The following ERICH3 variants were observed in gnomAD, a reference collection of about 807,000 sequenced individuals.
ERICH3 encodes glutamate-rich protein 3.
A neutral mutation model predicts 131.1 loss-of-function variants in ERICH3; 126 were observed. That is an observed-to-expected ratio of 0.96 (90% CI 0.83 to 1.11). The LOEUF is 1.11. ERICH3 is among the 50% of genes most tolerant of loss of function. The probability of loss-of-function intolerance (pLI) is 0.00; values close to 1 mark genes in which losing one functional copy is unlikely to be tolerated. For missense variants in ERICH3, 2,050 were observed against 1,810.7 expected (o/e 1.13, Z -2.40); for synonymous variants, 695 against 644.6 (o/e 1.08, Z -1.18).
chr1:74,611,267 T>C (rs1261136588), intron 9 of ERICH3, among the ~76,000 whole-genome samples: 1 of 152,144 alleles, frequency 6.6e-6, no homozygotes, highest in African/African-American at 2.4e-5. Flanking sequence ...TCTCAATAAG[T>C]TAACTGGACA....
At chr1:74,606,379 GC>G (rs1400778577) in intron 10 of ERICH3, among the ~76,000 whole-genome samples, 6 of 151,792 alleles carry the variant, frequency 4.0e-5, no homozygotes, top group Admixed American at 3.9e-4. Flanking sequence ...CCTCATCTCT[GC>G]AGCCAGAACC....
chr1:74,618,157 CTT>C (rs1649061179), intron 8 of ERICH3, among the ~76,000 whole-genome samples: 1 of 151,986 alleles, frequency 6.6e-6, no homozygotes, highest in African/African-American at 2.4e-5. Context: ...GAGACTGTCT[CTT>C]AAAAAAGAAA....
At chr1:74,666,309 T>C (rs1646692142) in intron 1 of ERICH3, among the ~76,000 whole-genome samples, 1 of 152,132 alleles carries the variant, frequency 6.6e-6, no homozygotes, top group South Asian at 2.1e-4. Flanking sequence ...TATTAAAGAA[T>C]CCAGATCTAT....
chr1:74,590,552 G>T (rs1368186156), intron 11 of ERICH3, among the ~76,000 whole-genome samples: 2 of 152,152 alleles, frequency 1.3e-5, no homozygotes, highest in Non-Finnish European at 2.9e-5. Flanking sequence ...GCTCACAATA[G>T]GGTTTCTGCT....
chr1:74,668,379 C>T (rs546197907), intron 1 of ERICH3, among the ~76,000 whole-genome samples: 2 of 152,176 alleles, frequency 1.3e-5, no homozygotes, highest in African/African-American at 4.8e-5. Flanking sequence ...GAGAAACAGA[C>T]AATTTGAAGT....
intron 1 of ERICH3, among the ~76,000 whole-genome samples, chr1:74,662,154 A>C (rs1557704811): frequency 6.6e-6 from 1 of 152,124 alleles, no homozygotes; most frequent in Non-Finnish European, 1.5e-5. Flanking sequence ...ATGCTCTTGC[A>C]TGTGGCCCTG....
intron 8 of ERICH3, chr1:74,615,445 T>A (rs1277645508): frequency 2.0e-5 from 3 of 152,206 alleles, no homozygotes; most frequent in African/African-American, 7.2e-5. Flanking sequence ...GCATTATATA[T>A]GATTATAATT....
At chr1:74,642,961 T>C in intron 4 of ERICH3, 66 bp downstream of exon 4, 1 of 1,228,272 alleles carries the variant, frequency 8.1e-7, no homozygotes, top group Non-Finnish European at 1.2e-6. Context: ...GAATCATAGT[T>C]TCACTGTTTT....
At chr1:74,651,741 CT>C in intron 1 of ERICH3, among the ~76,000 whole-genome samples, 1 of 152,192 alleles carries the variant, frequency 6.6e-6, no homozygotes, top group African/African-American at 2.4e-5. Flanking sequence ...GCTGGGAGTG[CT>C]AAAACCCGAT....
In ERICH3 at chr1:74,659,895, C is replaced by A. The variant is rs182518296; in HGVS notation, c.24-10580G>T. Among the ~76,000 whole-genome samples, 22 of 152,256 alleles carry A rather than the reference C, an allele frequency of 1.4e-4. No homozygotes were observed. In the East Asian group the frequency reaches 3.9e-3, roughly 27 times the overall value. On this transcript the variant is annotated intron_variant, in intron 1 of 14. Coordinates refer to ENST00000326665, the MANE Select transcript of ERICH3 (RefSeq NM_001002912.5). ...GATTCATTCTAAGAAGCAGGGAAAT[C>A]ATACACAAAGTCCCAGAGAGAGAGA...
intron 8 of ERICH3, 85 bp from the exon 9 acceptor site, chr1:74,612,894 A>G: frequency 8.4e-7 from 1 of 1,195,832 alleles, no homozygotes; most frequent in Non-Finnish European, 1.2e-6. Context: ...TTAGATAAAC[A>G]CAATATTATG....
chr1:74,665,048 G>A (rs1646676860), intron 1 of ERICH3, among the ~76,000 whole-genome samples: 1 of 152,112 alleles, frequency 6.6e-6, no homozygotes, highest in Admixed American at 6.6e-5. Context: ...TGTATTAGGA[G>A]ATGGGTTCTT....
chr1:74,672,286 A>G (rs1333425752), intron 1 of ERICH3, among the ~76,000 whole-genome samples: 1 of 152,200 alleles, frequency 6.6e-6, no homozygotes, highest in Non-Finnish European at 1.5e-5. Flanking sequence ...CCCACAGATA[A>G]CTAAAAATTG....
At chr1:74,579,493 G>A (rs1214188926) in intron 12 of ERICH3, 1 of 985,172 alleles carries the variant, frequency 1.0e-6, no homozygotes, top group Admixed American at 6.2e-5. Context: ...TGGAGGATTA[G>A]CCTTCGGAAG....
At chr1:74,609,082 A>G (rs1241509552) in intron 9 of ERICH3, among the ~76,000 whole-genome samples, 1 of 152,056 alleles carries the variant, frequency 6.6e-6, no homozygotes, top group East Asian at 1.9e-4. Context: ...GTTGATTATG[A>G]TTACTAAAGC....
rs770490223 is a variant in ERICH3 at position 74,643,044 on chromosome 1, G to T, written c.298C>A (p.Arg100=). 37 of 1,609,156 alleles carry T rather than the reference G, an allele frequency of 2.3e-5. 3 individuals are homozygous for T. The South Asian group carries it at 3.7e-4, about 16-fold the overall frequency. Reference sequence around the variant, plus strand: ...CTCCTTACCTTAAACCTCTGGATTCGCTCCTTCCTAGCTAAGGTCTCCAAT... The same window carrying T: ...CTCCTTACCTTAAACCTCTGGATTCTCTCCTTCCTAGCTAAGGTCTCCAAT... ...KKLETLARKE[R]IQRFKGEHTR... The change falls in exon 4 of 15, where the codon CGA becomes AGA. Residue 100 remains arginine, a synonymous_variant. Coordinates refer to ENST00000326665, the MANE Select transcript of ERICH3 (RefSeq NM_001002912.5).
intron 2 of ERICH3, among the ~76,000 whole-genome samples, chr1:74,647,238 TGAAG>T (rs1279434986): frequency 6.6e-6 from 1 of 152,068 alleles, no homozygotes; most frequent in African/African-American, 2.4e-5. Context: ...AACACTTTCC[TGAAG>T]GAAGGGGGCG....
chr1:74,626,523 A>T (rs1420812746), intron 7 of ERICH3, among the ~76,000 whole-genome samples: 1 of 152,202 alleles, frequency 6.6e-6, no homozygotes, highest in Non-Finnish European at 1.5e-5. Context: ...TTTCTAAAAT[A>T]GATAAACATA....
In ERICH3 at chr1:74,612,609, A is replaced by G. The variant is rs1259866770; in HGVS notation, c.1187+14T>C. The G allele has an allele frequency of 6.5e-7, 1 of 1,535,188 alleles. No homozygotes were observed. The highest frequency in any genetic ancestry group is 1.8e-5 in the Admixed American group (1 of 56,748). On this transcript the variant is annotated intron_variant, in intron 9 of 14. Transcript: ENST00000326665. ...CAAAACTTGCCCTCTACCAAAGGAC[A>G]TTTGTTTCCATACTTGTAGCAAGGA...
Sources: allele counts gnomAD v4.1 joint callset (sites outside exome capture counted in the v4.1 genomes callset), GRCh38; gene constraint gnomAD v4.1.1; transcripts MANE v1.5; gene names NCBI Gene and HGNC (gene_info 2026-07-23, HGNC 2026-07-21).